ARVCF: variants seen among roughly 807,000 people sequenced by gnomAD.
ARVCF encodes splicing regulator ARVCF.
ARVCF carries 66 observed loss-of-function variants against 90.9 expected under a neutral mutation model. The ratio of observed to expected loss-of-function variants is 0.73; its 90% CI spans 0.60 to 0.89. The LOEUF (loss-of-function observed/expected upper bound fraction) is 0.89, where lower values mean the gene tolerates loss of function less well. Among genes scored for constraint, ARVCF ranks in the 40% least tolerant of loss-of-function variants. The pLI is 0.00. For synonymous variants in ARVCF, 653 were observed against 603.4 expected (o/e 1.08, Z -1.21); for missense variants, 1,469 against 1,382.3 (o/e 1.06, Z -1.00).
chr22:19,970,854 A>T, intron 19 of ARVCF, 111 bp from the exon 20 acceptor site: 1 of 1,244,854 alleles, frequency 8.0e-7, no homozygotes, highest in Non-Finnish European at 1.1e-6. Flanking sequence ...GGAGATGTGG[A>T]TAGAAGCATC....
At chr22:20,007,349 C>T (rs2146481092) in intron 2 of ARVCF, among the ~76,000 whole-genome samples, 1 of 152,350 alleles carries the variant, frequency 6.6e-6, no homozygotes, top group Middle Eastern at 3.4e-3. Context: ...TTGCAGTGAG[C>T]CAAGAATGCG....
intron 2 of ARVCF, among the ~76,000 whole-genome samples, chr22:20,008,971 G>A (rs1057211637): frequency 2.0e-5 from 3 of 152,156 alleles, no homozygotes; most frequent in African/African-American, 7.2e-5. Context: ...GCAACAGGAG[G>A]GAGAGTGAGC....
At position 19,990,566 on chromosome 22, in the gene ARVCF, C is replaced by T. The variant is rs372071905; in HGVS notation, c.210+19G>A. ...CCCACTTGGCAATTTTCACCCTTCC[C>T]AAGTCACTAGGCTGTTACCTGGAGG... On this transcript the variant is annotated intron_variant, in intron 3 of 19. Coordinates refer to ENST00000263207, the MANE Select transcript of ARVCF (RefSeq NM_001670.3). The T allele has an allele frequency of 3.2e-4, 506 of 1,592,876 alleles. No individual in the cohort carries two copies. Among genetic ancestry groups the T allele is most frequent in the Non-Finnish European group, 4.1e-4 (473 of 1,165,894 alleles).
intron 3 of ARVCF, among the ~76,000 whole-genome samples, chr22:19,986,908 C>T (rs981370256): frequency 2.0e-5 from 3 of 152,324 alleles, no homozygotes; most frequent in African/African-American, 4.8e-5. Flanking sequence ...GCCACCCGCC[C>T]GGCCCTGGCC....
chr22:19,985,092 G>T (rs922538955), intron 3 of ARVCF, among the ~76,000 whole-genome samples: 63 of 152,110 alleles, frequency 4.1e-4, no homozygotes, highest in African/African-American at 1.4e-3. Flanking sequence ...GCCCCACACA[G>T]CCTCTGCCTC....
chr22:19,971,121 G>C (rs983893352), intron 19 of ARVCF, 95 bp downstream of exon 19: 12 of 1,540,760 alleles, frequency 7.8e-6, no homozygotes, highest in African/African-American at 1.4e-5. Context: ...GGGAACGTGC[G>C]GGAAGAGCAG....
intron 3 of ARVCF, chr22:19,986,791 A>C: frequency 2.6e-6 from 1 of 385,528 alleles, no homozygotes; most frequent in Non-Finnish European, 4.7e-6. Flanking sequence ...GGCCGGTGCC[A>C]AGAGGAGGGT....
chr22:19,987,377 CCCACTTCCCA>C (rs1943853085), intron 3 of ARVCF, among the ~76,000 whole-genome samples: 2 of 146,778 alleles, frequency 1.4e-5, no homozygotes, highest in African/African-American at 5.0e-5. Flanking sequence ...CCCCTGTCCC[CCCACTTCCCA>C]CCACCTCCCC....
chr22:19,967,488 C>A, downstream of ARVCF: 1 of 436,004 alleles, frequency 2.3e-6, no homozygotes. Flanking sequence ...CCTCACTGAC[C>A]TTGCAGCCGT....
chr22:20,012,090 C>CT (rs1555954491), intron 1 of ARVCF, among the ~76,000 whole-genome samples: 1 of 146,246 alleles, frequency 6.8e-6, no homozygotes, highest in East Asian at 2.0e-4. Context: ...CCCCCCCCCC[C>CT]ACCCAGTTGG....
downstream of ARVCF, among the ~76,000 whole-genome samples, chr22:19,968,329 C>A (rs1462510104): frequency 6.6e-6 from 1 of 152,186 alleles, no homozygotes; most frequent in Non-Finnish European, 1.5e-5. Flanking sequence ...TCCCTGTCCT[C>A]ACGGGGCCCA....
chr22:19,988,085 G>T (rs1183754717), intron 3 of ARVCF, among the ~76,000 whole-genome samples: 1 of 152,146 alleles, frequency 6.6e-6, no homozygotes, highest in Non-Finnish European at 1.5e-5. Flanking sequence ...AAGAGAAAGG[G>T]CTCGGGCCCA....
At position 19,972,796 on chromosome 22, in the gene ARVCF, C is replaced by T; in HGVS notation, c.2582G>A (p.Gly861Glu). The change falls in exon 16 of 20, where the codon GGA becomes GAA. Residue 861 changes from glycine (G) to glutamate (E), a missense_variant. Physicochemically the swap from Gly to Glu is moderately conservative, Grantham distance 98. Coordinates refer to ENST00000263207, the MANE Select transcript of ARVCF (RefSeq NM_001670.3). ...SAAATAKGPK[G>E]ALSPGGFDDS... is the part of the protein sequence containing the mutation. ...ATCGAAGCCCCCAGGACTCAGTGCT[C>T]CCTTAGGCCCCTTGGCAGTAGCAGC... is the stretch of plus-strand genomic sequence containing the variant. The T allele has an allele frequency of 6.2e-7, 1 of 1,613,550 alleles. No individual in the cohort carries two copies. The highest frequency in any genetic ancestry group is 8.5e-7 in the Non-Finnish European group (1 of 1,179,772).
chr22:19,981,447 T>C lies in ARVCF; in HGVS notation c.660A>G (p.Pro220=). The C allele has an allele frequency of 6.4e-7, 1 of 1,556,850 alleles. No homozygotes were observed. The highest frequency in any genetic ancestry group is 8.7e-7 in the Non-Finnish European group (1 of 1,152,802). The change falls in exon 5 of 20, where the codon CCA becomes CCG. Residue 220 remains proline (P), a synonymous_variant. Coordinates refer to ENST00000263207, the MANE Select transcript of ARVCF (RefSeq NM_001670.3). ...MRPPRAGPLG[P]GPGDGCFTLP... is the part of the protein sequence containing the mutation. ...GTGTGAAGCAGCCATCACCAGGGCC[T>C]GGGCCAAGGGGGCCAGCACGTGGGG...
Position 19,981,253 on chromosome 22 carries a change from G to C in ARVCF, c.854C>G (p.Ala285Gly). 1 of 1,560,912 alleles carries C rather than the reference G, an allele frequency of 6.4e-7. No homozygotes were observed. Among genetic ancestry groups the C allele is most frequent in the Non-Finnish European group, 8.7e-7 (1 of 1,153,592 alleles). ...GPELEPDYGT[A>G]TRRRPECGRG... ...CCCACACTCAGGCCTCCTCCTTGTG[G>C]CCGTGCCATAGTCAGGCTCCAGCTC... Residue 285 changes from alanine (A) to glycine (G), a missense_variant, in exon 5 of 20, where the codon GCC becomes GGC. Coordinates refer to ENST00000263207, the MANE Select transcript of ARVCF (RefSeq NM_001670.3).
chr22:19,968,879 T>C (rs1942586852), downstream of ARVCF: 6 of 735,364 alleles, frequency 8.2e-6, no homozygotes, highest in Non-Finnish European at 1.4e-5. Flanking sequence ...CCTGACATGC[T>C]AACCTCTCTG....
Position 19,970,068 on chromosome 22 carries a change from G to GAGCAC in ARVCF, c.*687_*688insGTGCT. On this transcript the variant is annotated 3_prime_UTR_variant, in exon 20 of 20. Coordinates refer to ENST00000263207, the MANE Select transcript of ARVCF (RefSeq NM_001670.3). ...GCCACTGCCGAAGGTCAGTCCCGGAGGTGCTGCCCAGGCTCCAGGCAGATG... is the reference window on the plus strand; with the variant it reads ...GCCACTGCCGAAGGTCAGTCCCGGAGAGCACGTGCTGCCCAGGCTCCAGGCAGATG... 1 of 985,630 alleles carries GAGCAC rather than the reference G, an allele frequency of 1.0e-6. No individual in the cohort carries two copies. The allele number at this position is 985,630 out of a possible 1,614,324, so 61.1% of individuals were successfully genotyped here.
chr22:19,999,132 C>T (rs952773256), intron 2 of ARVCF, among the ~76,000 whole-genome samples: 6 of 152,142 alleles, frequency 3.9e-5, no homozygotes, highest in Non-Finnish European at 7.4e-5. Context: ...CCACATTTCC[C>T]CAGACTCCCA....
chr22:19,985,743 A>G (rs929279750), intron 3 of ARVCF, among the ~76,000 whole-genome samples: 2 of 152,240 alleles, frequency 1.3e-5, no homozygotes, highest in African/African-American at 4.8e-5. Context: ...CCTGAAGAAC[A>G]GACTGCAGGG....
Sources: allele counts gnomAD v4.1 joint callset (sites outside exome capture counted in the v4.1 genomes callset), GRCh38; gene constraint gnomAD v4.1.1; transcripts MANE v1.5; gene names NCBI Gene and HGNC (gene_info 2026-07-23, HGNC 2026-07-21).